NAV3: variants seen among roughly 807,000 people sequenced by gnomAD.
NAV3 encodes the protein pore membrane and/or filament interacting like protein 1.
A neutral mutation model predicts 244.7 loss-of-function variants in NAV3; 87 were observed. The observed-to-expected ratio is 0.36, with a 90% CI of 0.30 to 0.42. NAV3 has a LOEUF of 0.42. Ranked by LOEUF, NAV3 falls within the 20% of genes least tolerant of loss-of-function variation. The pLI, the probability that NAV3 is intolerant of heterozygous loss-of-function variation, is 1.00. For synonymous variants in NAV3, 1,126 were observed against 1,042.2 expected (o/e 1.08, Z -1.55); for missense variants, 2,663 against 2,893.3 (o/e 0.92, Z 1.83).
chr12:77,775,905 G>A (rs1870330756), intron 2 of NAV3: 1 of 152,228 alleles, frequency 6.6e-6, no homozygotes, highest in African/African-American at 2.4e-5. Context: ...TTGTGTACAT[G>A]CATGATTGGC....
chr12:78,020,583 A>G (rs1876985789), intron 8 of NAV3, among the ~76,000 whole-genome samples: 1 of 152,154 alleles, frequency 6.6e-6, no homozygotes, highest in South Asian at 2.1e-4. Context: ...ATCAATACAG[A>G]CAACATGTAG....
intron 2 of NAV3, among the ~76,000 whole-genome samples, chr12:77,720,842 A>G (rs1190264585): frequency 6.6e-6 from 1 of 152,074 alleles, no homozygotes; most frequent in Non-Finnish European, 1.5e-5. Context: ...ACTATTGTCC[A>G]TGGAGGGAAG....
At chr12:77,912,034 C>T (rs1474696488) in intron 1 of NAV3, among the ~76,000 whole-genome samples, 1 of 151,994 alleles carries the variant, frequency 6.6e-6, no homozygotes, top group Non-Finnish European at 1.5e-5. Flanking sequence ...GGAATGATAC[C>T]TACTGCATTG....
chr12:77,614,071 TCTC>T (rs1404296160), intron 2 of NAV3, among the ~76,000 whole-genome samples: 2 of 139,836 alleles, frequency 1.4e-5, no homozygotes, highest in Non-Finnish European at 3.0e-5. Flanking sequence ...CTTTTCTTTC[TCTC>T]TTTTTTTTTT....
intron 3 of NAV3, among the ~76,000 whole-genome samples, chr12:77,949,824 C>T (rs1890708084): frequency 1.3e-5 from 2 of 152,050 alleles, no homozygotes; most frequent in Admixed American, 6.6e-5. Context: ...CCCTACACAT[C>T]CTCTGTGCTC....
At chr12:77,674,389 C>CT (rs375776245) in intron 2 of NAV3, among the ~76,000 whole-genome samples, 5,156 of 146,070 alleles carry the variant, frequency 0.035, 95 homozygotes, top group Middle Eastern at 0.082. Flanking sequence ...TCAAATTATA[C>CT]TTTTTTTTTT....
chr12:77,698,657 A>G (rs1430812976), intron 2 of NAV3, among the ~76,000 whole-genome samples: 1 of 152,176 alleles, frequency 6.6e-6, no homozygotes, highest in Non-Finnish European at 1.5e-5. Flanking sequence ...CAGAATATGT[A>G]GAAAGTGAGA....
At position 78,119,949 on chromosome 12, in the gene NAV3, A is replaced by T. The variant is rs2138642170; in HGVS notation, c.3749+4A>T. 1 of 1,601,446 alleles carries T rather than the reference A, an allele frequency of 6.2e-7. No individual in the cohort carries two copies. Among genetic ancestry groups the T allele is most frequent in the Non-Finnish European group, 8.5e-7 (1 of 1,173,422 alleles). ...TTGCCTCACCCACATTTCGAAGGTAAGGATGTATAAAATGATGCTGGAAAA... is the reference window on the plus strand; with the variant it reads ...TTGCCTCACCCACATTTCGAAGGTATGGATGTATAAAATGATGCTGGAAAA... On this transcript the variant is annotated splice_donor_region_variant and intron_variant, in intron 15 of 39. Transcript: ENST00000397909.
At chr12:77,698,095 G>A (rs766651370) in intron 2 of NAV3, among the ~76,000 whole-genome samples, 1 of 152,046 alleles carries the variant, frequency 6.6e-6, no homozygotes, top group Non-Finnish European at 1.5e-5. Flanking sequence ...CCAGAATGTG[G>A]TATCTAAAGG....
intron 2 of NAV3, among the ~76,000 whole-genome samples, chr12:77,641,084 AT>A (rs1872390003): frequency 6.6e-6 from 1 of 152,114 alleles, no homozygotes; most frequent in South Asian, 2.1e-4. Flanking sequence ...TCTCATTCCT[AT>A]GCCTCTCTGG....
intron 11 of NAV3, among the ~76,000 whole-genome samples, chr12:78,055,346 A>T (rs1415903588): frequency 6.6e-6 from 1 of 152,202 alleles, no homozygotes; most frequent in East Asian, 1.9e-4. Context: ...TGAATTCTGC[A>T]TATAATAATA....
At position 78,199,304 on chromosome 12, in the gene NAV3, T is replaced by A. The variant is rs771286007; in HGVS notation, c.6519-31T>A. Reference sequence around the variant, plus strand: ...CTGTGAATGTAAAATTTAATTTATATAAAAATGTCTGATTTTTTTTCTTTT... The same window carrying A: ...CTGTGAATGTAAAATTTAATTTATAAAAAAATGTCTGATTTTTTTTCTTTT... On this transcript the variant is annotated intron_variant, in intron 36 of 39. Transcript: ENST00000397909. 4 of 1,468,574 alleles carry A rather than the reference T, an allele frequency of 2.7e-6. No individual in the cohort carries two copies. The South Asian group carries it at 5.0e-5, about 18-fold the overall frequency. 91.0% of individuals were successfully genotyped at this position (1,468,574 alleles called of 1,614,324 possible).
rs1440744240 is a variant in NAV3 at position 77,879,215 on chromosome 12, C to T, written c.243+47511C>T. ...AGGCTCAAAAATGTCTCCTGTACAT[C>T]TGCATTGAACCATGCGATTTTAGAG... On this transcript the variant is annotated intron_variant, in intron 1 of 39. Transcript: ENST00000397909. Among the ~76,000 whole-genome samples the T allele has an allele frequency of 2.0e-5, 3 of 152,124 alleles. No individual in the cohort carries two copies. The East Asian group carries it at 5.8e-4, about 29-fold the overall frequency.
intron 1 of NAV3, among the ~76,000 whole-genome samples, chr12:77,839,736 A>T (rs1213809575): frequency 6.6e-6 from 1 of 152,220 alleles, no homozygotes; most frequent in African/African-American, 2.4e-5. Context: ...TAGAGGAAGC[A>T]GTGATTAATT....
At chr12:77,672,918 G>A in intron 2 of NAV3, among the ~76,000 whole-genome samples, 1 of 152,142 alleles carries the variant, frequency 6.6e-6, no homozygotes, top group Non-Finnish European at 1.5e-5. Context: ...AGTAAGAGAT[G>A]AGGAAAATAA....
rs1217065474 is a variant in NAV3 at position 78,128,882 on chromosome 12, A to G, written c.4441+16A>G. On this transcript the variant is annotated intron_variant, in intron 18 of 39. Transcript: ENST00000397909. Reference sequence around the variant, plus strand: ...TCTAACTTGGGTAAAATATTCTAAAATATTGATTTTGTTTTGTTTCTTTCA... The same window carrying G: ...TCTAACTTGGGTAAAATATTCTAAAGTATTGATTTTGTTTTGTTTCTTTCA... 10 of 1,610,336 alleles carry G rather than the reference A, an allele frequency of 6.2e-6. No individual in the cohort carries two copies. The highest frequency in any genetic ancestry group is 8.5e-6 in the Non-Finnish European group (10 of 1,178,020).
At chr12:78,155,596 T>C (rs1406829434) in intron 22 of NAV3, among the ~76,000 whole-genome samples, 3 of 152,122 alleles carry the variant, frequency 2.0e-5, no homozygotes, top group African/African-American at 7.2e-5. Context: ...TCACACTGTC[T>C]TCCACATTGG....
intron 12 of NAV3, among the ~76,000 whole-genome samples, chr12:78,065,139 C>G (rs954321378): frequency 3.9e-5 from 6 of 151,944 alleles, no homozygotes; most frequent in African/African-American, 1.5e-4. Context: ...AGTTTCTCAC[C>G]GAGATAGAGC....
At chr12:77,915,613 T>C (rs1443046516) in intron 1 of NAV3, among the ~76,000 whole-genome samples, 2 of 152,064 alleles carry the variant, frequency 1.3e-5, no homozygotes, top group South Asian at 2.1e-4. Context: ...TGCTATGTTA[T>C]ACCTGCAAAA....
Sources: gnomAD v4.1 joint callset for allele counts (sites outside exome capture counted in the v4.1 genomes callset) on GRCh38, gnomAD v4.1.1 for gene constraint, MANE v1.5 for transcripts, NCBI Gene and HGNC (gene_info 2026-07-23, HGNC 2026-07-21) for gene names.